Variants in ITIH2 observed in about 807,000 individuals in gnomAD.
The protein encoded by ITIH2 is inter-alpha-trypsin inhibitor heavy chain H2.
A neutral mutation model predicts 104.4 loss-of-function variants in ITIH2; 103 were observed. The observed-to-expected ratio is 0.99, with a 90% CI of 0.84 to 1.16. ITIH2 has a LOEUF of 1.16. ITIH2 is among the 50% of genes most tolerant of loss of function. The pLI is 0.00. For synonymous variants in ITIH2, 436 were observed against 435.4 expected (o/e 1.00, Z -0.02); for missense variants, 1,108 against 1,162.4 (o/e 0.95, Z 0.68).
At chr10:7,728,510 T>G (rs1834971627) in intron 11 of ITIH2, among the ~76,000 whole-genome samples, 1 of 151,992 alleles carries the variant, frequency 6.6e-6, no homozygotes, top group Non-Finnish European at 1.5e-5. Flanking sequence ...GCCTCCTGAG[T>G]AGCTGGGACT....
chr10:7,703,671 G>C (rs1834718402), intron 1 of ITIH2, among the ~76,000 whole-genome samples, 153 bp downstream of exon 1: 2 of 152,144 alleles, frequency 1.3e-5, no homozygotes, highest in Admixed American at 1.3e-4. Flanking sequence ...ATAATTACTG[G>C]AATGTATATT....
rs150104429 is a variant in ITIH2, at chr10:7,743,221, C to G, written c.2171C>G (p.Pro724Arg). 105 of 1,593,224 alleles carry G rather than the reference C, an allele frequency of 6.6e-5. No homozygotes were observed. The African/African-American group carries it at 1.3e-3, about 19-fold the overall frequency. Residue 724 changes from proline (P) to arginine (R), a missense_variant, in exon 17 of 21, where the codon CCT becomes CGT. Pro to Arg is a moderately radical substitution (Grantham distance 103). Transcript: ENST00000358415. The stretch of plus-strand genomic sequence containing the variant: ...ATTTGTTTCAATATTGACTCAGAAC[C>G]TGGAAAAATCCTCAACCTGGTTTCT... ...KNICFNIDSE[P>R]GKILNLVSDP...
chr10:7,725,507 G>A (rs1452950028), intron 9 of ITIH2, among the ~76,000 whole-genome samples: 2 of 152,210 alleles, frequency 1.3e-5, no homozygotes, highest in Non-Finnish European at 2.9e-5. Context: ...TCTGGAATCT[G>A]TTTTGAAGGT....
intron 15 of ITIH2, among the ~76,000 whole-genome samples, chr10:7,736,667 A>G (rs540805700): frequency 1.3e-4 from 20 of 152,304 alleles, no homozygotes; most frequent in Admixed American, 1.1e-3. Context: ...TTTGTTTACA[A>G]ATAAGAAGTA....
At chr10:7,712,896 G>A (rs1171570770) in intron 4 of ITIH2, among the ~76,000 whole-genome samples, 3 of 152,272 alleles carry the variant, frequency 2.0e-5, no homozygotes, top group East Asian at 3.9e-4. Context: ...CAAGCCAGGT[G>A]GATCATGAGG....
chr10:7,723,084 G>A (rs1255648768), intron 8 of ITIH2, among the ~76,000 whole-genome samples: 2 of 151,160 alleles, frequency 1.3e-5, no homozygotes, highest in Non-Finnish European at 3.0e-5. Flanking sequence ...GTGGCGTGGA[G>A]TGGAGTAGAG....
At chr10:7,721,568 C>A (rs1834902923) in intron 7 of ITIH2, 81 bp from the exon 8 acceptor site, 1 of 1,334,406 alleles carries the variant, frequency 7.5e-7, no homozygotes, top group Admixed American at 2.0e-5. Flanking sequence ...AGCTCCTCTT[C>A]CCTGTGTGCT....
chr10:7,729,760 C>A (rs1834984203), intron 11 of ITIH2, 192 bp from the exon 12 acceptor site: 2 of 467,808 alleles, frequency 4.3e-6, no homozygotes, highest in Non-Finnish European at 7.5e-6. Flanking sequence ...TGTTGCTATG[C>A]AACACAACCC....
Sources: allele counts gnomAD v4.1 joint callset (sites outside exome capture counted in the v4.1 genomes callset), GRCh38; gene constraint gnomAD v4.1.1; transcripts MANE v1.5; gene names NCBI Gene and HGNC (gene_info 2026-07-23, HGNC 2026-07-21).